Variants in SPTA1 observed in about 807,000 individuals in gnomAD.
SPTA1 encodes spectrin alpha, erythrocytic 1.
A neutral mutation model predicts 324.7 loss-of-function variants in SPTA1; 177 were observed. The observed-to-expected ratio is 0.55, with a 90% confidence interval of 0.48 to 0.62. SPTA1 has a LOEUF of 0.62. Ranked by LOEUF, SPTA1 falls within the 20% of genes least tolerant of loss-of-function variation. The pLI is 0.00. For synonymous variants in SPTA1, 1,195 were observed against 1,041.3 expected (o/e 1.15, Z -2.84); for missense variants, 3,162 against 2,883.6 (o/e 1.10, Z -2.21).
intron 42 of SPTA1, among the ~76,000 whole-genome samples, chr1:158,625,581 G>T (rs1011286835): frequency 6.6e-6 from 1 of 151,472 alleles, no homozygotes; most frequent in South Asian, 2.1e-4. Flanking sequence ...ATATCAAAAA[G>T]ATAATGAGAA....
Position 158,686,281 on chromosome 1 carries a change from G to T in SPTA1, c.24+213C>A, listed in dbSNP as rs543943632. ...TCAATCTCCCTACTTATTCTCTCTGGGAACCGACTTAAGTCATTACTGGGT... is the reference window on the plus strand; with the variant it reads ...TCAATCTCCCTACTTATTCTCTCTGTGAACCGACTTAAGTCATTACTGGGT... On this transcript the variant is annotated intron_variant, in intron 1 of 51. Transcript: ENST00000643759. 2.6e-5 allele frequency among the ~76,000 whole-genome samples: 4 copies of T among 152,130 alleles called. No individual in the cohort carries two copies. The East Asian group carries it at 7.7e-4, about 29-fold the overall frequency.
chr1:158,637,174 A>G (rs1651146517), intron 36 of SPTA1, among the ~76,000 whole-genome samples: 1 of 152,234 alleles, frequency 6.6e-6, no homozygotes, highest in Non-Finnish European at 1.5e-5. Flanking sequence ...ATGGGTATAA[A>G]GAGCTGATTT....
chr1:158,617,916 C>T, intron 46 of SPTA1, 123 bp downstream of exon 46: 1 of 985,792 alleles, frequency 1.0e-6, no homozygotes, highest in Non-Finnish European at 1.6e-6. Flanking sequence ...TCTCACTCCA[C>T]ATTTTTATTT....
chr1:158,672,524 A>G (rs1053261424), intron 10 of SPTA1, among the ~76,000 whole-genome samples: 1 of 152,228 alleles, frequency 6.6e-6, no homozygotes, highest in African/African-American at 2.4e-5. Context: ...ACTTAATGCC[A>G]TAAGCAAATG....
chr1:158,613,603 C>T, intron 50 of SPTA1, 118 bp downstream of exon 50: 1 of 1,447,530 alleles, frequency 6.9e-7, no homozygotes, highest in Non-Finnish European at 9.6e-7. Flanking sequence ...TTATGGTTGC[C>T]TATTTCTTCC....
chr1:158,653,574 T>C, intron 21 of SPTA1, 149 bp from the exon 22 acceptor site: 4 of 1,071,846 alleles, frequency 3.7e-6, no homozygotes, highest in Non-Finnish European at 5.5e-6. Flanking sequence ...AATTTTCATA[T>C]ATGACCAAGA....
intron 43 of SPTA1, 131 bp downstream of exon 43, chr1:158,622,852 C>G: frequency 1.1e-6 from 1 of 915,170 alleles, no homozygotes; most frequent in Non-Finnish European, 1.8e-6. Flanking sequence ...GTAAGAATGT[C>G]TTCCCAACAT....
At chr1:158,680,143 TA>T (rs1223661701) in intron 5 of SPTA1, among the ~76,000 whole-genome samples, 3 of 152,112 alleles carry the variant, frequency 2.0e-5, no homozygotes, top group African/African-American at 7.2e-5. Context: ...TCCTCCGAAA[TA>T]ATCTTGTATA....
In SPTA1 at chr1:158,685,243, A is replaced by G; in HGVS notation, c.129T>C (p.Ala43=). 6.2e-7 allele frequency: 1 copy of G among 1,613,820 alleles called. No homozygotes were observed. Among genetic ancestry groups the G allele is most frequent in the Non-Finnish European group, 8.5e-7 (1 of 1,179,818 alleles). Reference sequence around the variant, plus strand: ...AATCCTCAAGCTTCTGACCCCTCTCAGCGACCCGCTCCTTGAAACTTTGAT... The same window carrying G: ...AATCCTCAAGCTTCTGACCCCTCTCGGCGACCCGCTCCTTGAAACTTTGAT... ...TRYQSFKERV[A]ERGQKLEDSY... is the part of the protein sequence containing the mutation. Residue 43 remains alanine, a synonymous_variant, in exon 2 of 52, where the codon GCT becomes GCC. Transcript: ENST00000643759.
chr1:158,669,655 C>G (rs998106930), intron 13 of SPTA1, 54 bp downstream of exon 13: 2 of 1,614,048 alleles, frequency 1.2e-6, no homozygotes, highest in African/African-American at 1.3e-5. Context: ...CCCACCAAAA[C>G]TCTTCTTGAT....
chr1:158,628,178 C>CT (rs1650409914), intron 39 of SPTA1, among the ~76,000 whole-genome samples: 1 of 152,124 alleles, frequency 6.6e-6, no homozygotes, highest in Admixed American at 6.6e-5. Flanking sequence ...CAATAGTTCT[C>CT]TGACTGCTTT....
Position 158,659,595 on chromosome 1 carries a change from A to ATTTTTTT in SPTA1, c.2587+1685_2587+1691dup, listed in dbSNP as rs1177353050. Among the ~76,000 whole-genome samples, 274 of 68,772 alleles carry ATTTTTTT rather than the reference A, an allele frequency of 4.0e-3. 75 individuals carry two copies. Among genetic ancestry groups the ATTTTTTT allele is most frequent in the Middle Eastern group, 0.035 (3 of 86 alleles). 45.1% of individuals were successfully genotyped at this position (68,772 alleles called of 152,430 possible). On this transcript the variant is annotated intron_variant, in intron 18 of 51. Coordinates refer to ENST00000643759, the MANE Select transcript of SPTA1 (RefSeq NM_003126.4). ...AAAAGAAAATAATAGTCTTAGCATT[A>ATTTTTTT]TTTTTTTTTTTTTTTTTTTTTTTTT... is the stretch of plus-strand genomic sequence containing the variant.
In SPTA1 at chr1:158,651,529, A is replaced by G. The variant is rs1652434262; in HGVS notation, c.3376-61T>C. The G allele has an allele frequency of 3.6e-6, 4 of 1,123,842 alleles. No individual in the cohort carries two copies. The African/African-American group carries it at 6.1e-5, about 17-fold the overall frequency. The allele number at this position is 1,123,842 out of a possible 1,614,324, so 69.6% of individuals were successfully genotyped here. Reference sequence around the variant, plus strand: ...CATCCAAAGCAGTGTAAATCCCCTCATCAAGAATCTACCATACTTACCTGT... The same window carrying G: ...CATCCAAAGCAGTGTAAATCCCCTCGTCAAGAATCTACCATACTTACCTGT... On this transcript the variant is annotated intron_variant, in intron 23 of 51. Coordinates refer to ENST00000643759, the MANE Select transcript of SPTA1 (RefSeq NM_003126.4).
At chr1:158,654,884 A>G (rs1652715496) in intron 20 of SPTA1, 136 bp from the exon 21 acceptor site, 1 of 1,191,040 alleles carries the variant, frequency 8.4e-7, no homozygotes, top group Non-Finnish European at 1.2e-6. Context: ...GGCTGCAGAG[A>G]TTAAAGTATG....
At chr1:158,632,206 T>C (rs1650728414) in intron 39 of SPTA1, among the ~76,000 whole-genome samples, 1 of 152,160 alleles carries the variant, frequency 6.6e-6, no homozygotes, top group Non-Finnish European at 1.5e-5. Flanking sequence ...GAAAGATACA[T>C]GCTACATGAT....
At chr1:158,642,637 T>C (rs1651691979) in intron 32 of SPTA1, 95 bp from the exon 33 acceptor site, 1 of 1,583,016 alleles carries the variant, frequency 6.3e-7, no homozygotes, top group Non-Finnish European at 8.6e-7. Context: ...AATATTTCTA[T>C]CATAACTGAG....
intron 7 of SPTA1, 50 bp from the exon 8 acceptor site, chr1:158,676,345 C>T (rs746166728): frequency 2.5e-6 from 4 of 1,606,576 alleles, no homozygotes; most frequent in Admixed American, 3.3e-5. Context: ...CTCTGACTCC[C>T]CCTGGCAAAG....
chr1:158,613,011 A>T (rs1309516711), intron 50 of SPTA1, 50 bp from the exon 51 acceptor site: 8 of 1,599,988 alleles, frequency 5.0e-6, no homozygotes, highest in Non-Finnish European at 6.0e-6. Context: ...CAGAGAAGGA[A>T]GTCCCCTTTT....
chr1:158,681,437 TC>T (rs1349549994), intron 4 of SPTA1, 89 bp downstream of exon 4: 155 of 1,599,414 alleles, frequency 9.7e-5, no homozygotes, highest in Non-Finnish European at 1.3e-4. Flanking sequence ...CATCCTGACT[TC>T]CTTGTGAGTA....
Sources: allele counts gnomAD v4.1 joint callset (sites outside exome capture counted in the v4.1 genomes callset), GRCh38; gene constraint gnomAD v4.1.1; transcripts MANE v1.5; gene names NCBI Gene and HGNC (gene_info 2026-07-23, HGNC 2026-07-21).